Variants in SGCZ observed in about 807,000 individuals in gnomAD.
The protein encoded by SGCZ is zeta-sarcoglycan.
A neutral mutation model predicts 41.3 loss-of-function variants in SGCZ; 40 were observed. The ratio of observed to expected loss-of-function variants is 0.97; its 90% CI spans 0.75 to 1.26. The LOEUF (loss-of-function observed/expected upper bound fraction) is 1.26, where lower values mean the gene tolerates loss of function less well. Ranked by LOEUF, SGCZ falls within the 50% of genes most tolerant of loss-of-function variation. SGCZ has a pLI of 0.00. For synonymous variants in SGCZ, 206 were observed against 137.5 expected, an observed-to-expected ratio of 1.50 and a Z score of -3.49; for missense variants, 552 against 369.8, an observed-to-expected ratio of 1.49 and a Z score of -4.04.
intron 2 of SGCZ, among the ~76,000 whole-genome samples, chr8:14,420,471 G>A (rs74676875): frequency 1.9e-3 from 285 of 151,958 alleles, no homozygotes; most frequent in Non-Finnish European, 3.4e-3. Context: ...CTGTTGTTCG[G>A]TATTGCATTC....
intron 1 of SGCZ, among the ~76,000 whole-genome samples, chr8:14,860,447 A>AGAGAGAAGGAAAGAGAAGAGAGT (rs1803687607): frequency 6.6e-6 from 1 of 150,690 alleles, no homozygotes; most frequent in Non-Finnish European, 1.5e-5. Context: ...GGGAAAGAGA[A>AGAGAGAAGGAAAGAGAAGAGAGT]GAGAGAAGGA....
At chr8:14,881,773 T>G (rs7812655) in intron 1 of SGCZ, among the ~76,000 whole-genome samples, 9,538 of 152,212 alleles carry the variant, frequency 0.063, 1,042 homozygotes, top group African/African-American at 0.22. Context: ...AATAACAGAA[T>G]ATACATTTTC....
intron 1 of SGCZ, among the ~76,000 whole-genome samples, chr8:15,100,013 A>G (rs1189715920): frequency 6.6e-6 from 1 of 152,164 alleles, no homozygotes; most frequent in Non-Finnish European, 1.5e-5. Context: ...AATGTTCAAA[A>G]AAAGAGATAA....
At chr8:14,777,138 A>C (rs1444798463) in intron 1 of SGCZ, among the ~76,000 whole-genome samples, 1 of 152,206 alleles carries the variant, frequency 6.6e-6, no homozygotes, top group Non-Finnish European at 1.5e-5. Context: ...TAAATGCTCA[A>C]GATGTGGCAT....
intron 1 of SGCZ, among the ~76,000 whole-genome samples, chr8:14,568,269 A>G (rs949738200): frequency 6.6e-6 from 1 of 152,040 alleles, no homozygotes; most frequent in African/African-American, 2.4e-5. Flanking sequence ...GCATCAGGAC[A>G]ATACCTAATG....
chr8:14,334,998 G>T (rs1011242694), intron 2 of SGCZ, among the ~76,000 whole-genome samples: 1 of 152,032 alleles, frequency 6.6e-6, no homozygotes, highest in African/African-American at 2.4e-5. Context: ...TTCTGAGCTG[G>T]GACTGAGGAA....
intron 1 of SGCZ, among the ~76,000 whole-genome samples, chr8:15,027,041 G>A (rs149124678): frequency 6.6e-6 from 1 of 152,190 alleles, no homozygotes; most frequent in African/African-American, 2.4e-5. Flanking sequence ...TTATTGTTTC[G>A]TACCTGAAAT....
chr8:14,196,549 G>T (rs1805273109), intron 4 of SGCZ, among the ~76,000 whole-genome samples: 1 of 152,012 alleles, frequency 6.6e-6, no homozygotes, highest in Non-Finnish European at 1.5e-5. Context: ...CAATGCAAGA[G>T]AAATAAAAAC....
At chr8:14,536,052 G>A (rs1370920761) in intron 2 of SGCZ, among the ~76,000 whole-genome samples, 1 of 151,724 alleles carries the variant, frequency 6.6e-6, no homozygotes, top group African/African-American at 2.4e-5. Context: ...AACAAAACTG[G>A]GGAAATACAC....
At chr8:14,153,432 A>G (rs1247505782) in intron 5 of SGCZ, among the ~76,000 whole-genome samples, 1 of 152,104 alleles carries the variant, frequency 6.6e-6, no homozygotes, top group African/African-American at 2.4e-5. Flanking sequence ...CAGTTACCTA[A>G]CCTGGTCAGA....
At chr8:14,594,953 A>T (rs1805360923) in intron 1 of SGCZ, among the ~76,000 whole-genome samples, 1 of 151,994 alleles carries the variant, frequency 6.6e-6, no homozygotes, top group African/African-American at 2.4e-5. Flanking sequence ...CAAGGAGAAA[A>T]GGAGAAATTT....
chr8:14,237,561 G>C (rs1259141561), intron 4 of SGCZ, 31 bp downstream of exon 4: 3 of 1,591,734 alleles, frequency 1.9e-6, no homozygotes, highest in Admixed American at 1.7e-5. Context: ...ACCAAGCACA[G>C]TAGGAGCAAT....
At chr8:14,629,611 T>C (rs893121259) in intron 1 of SGCZ, among the ~76,000 whole-genome samples, 1 of 152,106 alleles carries the variant, frequency 6.6e-6, no homozygotes, top group Admixed American at 6.6e-5. Flanking sequence ...GGAATCTCTA[T>C]GTATGCATGC....
chr8:14,357,587 T>G (rs1423440936), intron 2 of SGCZ, among the ~76,000 whole-genome samples: 1 of 152,158 alleles, frequency 6.6e-6, no homozygotes, highest in African/African-American at 2.4e-5. Context: ...ACTCGCTACC[T>G]CCACGTAATA....
intron 1 of SGCZ, among the ~76,000 whole-genome samples, chr8:14,726,311 C>CATACATATATATATATAT (rs1428195927): frequency 1.8e-4 from 19 of 107,656 alleles, no homozygotes; most frequent in Non-Finnish European, 3.0e-4. Context: ...TGTGTAAATA[C>CATACATATATATATATAT]ATATATATAT....
intron 1 of SGCZ, among the ~76,000 whole-genome samples, chr8:14,905,926 C>G (rs1414166374): frequency 6.6e-6 from 1 of 151,804 alleles, no homozygotes; most frequent in Admixed American, 6.6e-5. Flanking sequence ...TTGGAAGTAC[C>G]TCTACAAATA....
intron 2 of SGCZ, among the ~76,000 whole-genome samples, chr8:14,387,506 T>G (rs538718290): frequency 6.6e-6 from 1 of 152,294 alleles, no homozygotes; most frequent in South Asian, 2.1e-4. Context: ...TAATTACAAT[T>G]TGAAGATCAT....
intron 1 of SGCZ, among the ~76,000 whole-genome samples, chr8:14,791,236 C>A (rs1432602843): frequency 6.6e-6 from 1 of 151,800 alleles, no homozygotes; most frequent in Non-Finnish European, 1.5e-5. Context: ...TTAAATTGTA[C>A]ATTACTTCTT....
chr8:14,255,970 T>TAA (rs1197289239), intron 3 of SGCZ, among the ~76,000 whole-genome samples: 2 of 152,130 alleles, frequency 1.3e-5, no homozygotes, highest in Admixed American at 1.3e-4. Flanking sequence ...CATGTTTCAT[T>TAA]ATCTATTCAT....
Sources: gnomAD v4.1 joint callset for allele counts (sites outside exome capture counted in the v4.1 genomes callset) on GRCh38, gnomAD v4.1.1 for gene constraint, MANE v1.5 for transcripts, NCBI Gene and HGNC (gene_info 2026-07-23, HGNC 2026-07-21) for gene names.